Variants in HDAC9 observed in about 807,000 individuals in gnomAD.
HDAC9 encodes the protein MEF-2 interacting transcription repressor (MITR) protein.
Under a neutral mutation model 139.4 loss-of-function variants are expected in HDAC9, and 41 were observed. The observed-to-expected ratio is 0.29, with a 90% CI of 0.23 to 0.38. The LOEUF is 0.38. Among genes scored for constraint, HDAC9 ranks in the 10% least tolerant of loss-of-function variants. HDAC9 has a pLI of 1.00. For synonymous variants in HDAC9, 517 were observed against 476.2 expected, an observed-to-expected ratio of 1.09 and a Z score of -1.12; for missense variants, 1,147 against 1,297.0, an observed-to-expected ratio of 0.88 and a Z score of 1.78.
intron 22 of HDAC9, among the ~76,000 whole-genome samples, chr7:18,911,372 A>C (rs1802726441): frequency 6.6e-6 from 1 of 151,540 alleles, no homozygotes; most frequent in Non-Finnish European, 1.5e-5. Flanking sequence ...TGTCAGTTGT[A>C]ATGTCTTCTT....
chr7:18,991,802 A>G (rs1337444468), intron 25 of HDAC9, among the ~76,000 whole-genome samples: 1 of 152,252 alleles, frequency 6.6e-6, no homozygotes, highest in African/African-American at 2.4e-5. Context: ...TGCAAATTTG[A>G]ATAACAAGAA....
intron 6 of HDAC9, among the ~76,000 whole-genome samples, chr7:18,614,161 T>C (rs1318535662): frequency 6.6e-6 from 1 of 152,140 alleles, no homozygotes; most frequent in Non-Finnish European, 1.5e-5. Context: ...TCATTTTTTT[T>C]CCTCTAAGTT....
chr7:18,539,057 T>C (rs1811853271), intron 2 of HDAC9, among the ~76,000 whole-genome samples: 1 of 152,098 alleles, frequency 6.6e-6, no homozygotes, highest in Admixed American at 6.5e-5. Flanking sequence ...CTCATCTTAA[T>C]TACCTCCCAA....
intron 6 of HDAC9, among the ~76,000 whole-genome samples, chr7:18,628,071 C>T (rs181987604): frequency 2.0e-5 from 3 of 152,080 alleles, no homozygotes; most frequent in South Asian, 2.1e-4. Context: ...TATAAATTCC[C>T]TCAAAAATAT....
chr7:18,658,871 A>G (rs1457977519), intron 11 of HDAC9, among the ~76,000 whole-genome samples: 2 of 148,920 alleles, frequency 1.3e-5, no homozygotes, highest in Non-Finnish European at 3.0e-5. Context: ...AAGGAAGAAT[A>G]TTACATTTAT....
At chr7:18,156,945 G>A (rs1787250721) in intron 1 of HDAC9, among the ~76,000 whole-genome samples, 1 of 152,160 alleles carries the variant, frequency 6.6e-6, no homozygotes, top group Admixed American at 6.5e-5. Flanking sequence ...AATGTTAGGT[G>A]GGCGTGGTGG....
At chr7:18,852,015 G>A (rs911754772) in intron 21 of HDAC9, among the ~76,000 whole-genome samples, 42 of 152,216 alleles carry the variant, frequency 2.8e-4, no homozygotes, top group African/African-American at 8.2e-4. Context: ...TGTCTTTAGA[G>A]ACAGTCCTTC....
At chr7:18,540,058 G>C (rs1259815860) in intron 2 of HDAC9, among the ~76,000 whole-genome samples, 1 of 136,962 alleles carries the variant, frequency 7.3e-6, no homozygotes, top group Non-Finnish European at 1.5e-5. Flanking sequence ...AGGAGTTCGA[G>C]ACCAGCCTGG....
chr7:18,701,514 T>A lies in HDAC9; in HGVS notation c.1732-26066T>A, dbSNP rs182262398. Reference sequence around the variant, plus strand: ...ACATGTATTTTCAGATAAAGGCAATTTCCTAAAGATGAGTTATTTTTTGTT... The same window carrying A: ...ACATGTATTTTCAGATAAAGGCAATATCCTAAAGATGAGTTATTTTTTGTT... On this transcript the variant is annotated intron_variant, in intron 12 of 25. Coordinates refer to ENST00000686413, the MANE Select transcript of HDAC9 (RefSeq NM_178425.4). Among the ~76,000 whole-genome samples the A allele has an allele frequency of 2.0e-3, 302 of 152,250 alleles. 4 individuals carry two copies. Among genetic ancestry groups the A allele is most frequent in the Non-Finnish European group, 1.7e-3 (117 of 68,008 alleles).
At chr7:18,496,402 C>A in intron 2 of HDAC9, 78 bp downstream of exon 2, 2 of 1,282,724 alleles carry the variant, frequency 1.6e-6, no homozygotes, top group South Asian at 1.2e-5. Context: ...AGAAAAGCAC[C>A]TCTCTTAAGG....
chr7:18,780,024 G>A (rs974263818), intron 16 of HDAC9, among the ~76,000 whole-genome samples: 6 of 152,020 alleles, frequency 3.9e-5, no homozygotes, highest in Non-Finnish European at 5.9e-5. Flanking sequence ...TGCTCCAAAA[G>A]CGCTTTTTCA....
chr7:18,495,158 A>G (rs917281334), upstream of HDAC9, among the ~76,000 whole-genome samples: 5 of 152,048 alleles, frequency 3.3e-5, no homozygotes, highest in African/African-American at 7.2e-5. Context: ...TTAGTCCTGA[A>G]ACTAGAAGGC....
intron 11 of HDAC9, among the ~76,000 whole-genome samples, chr7:18,650,276 T>A (rs1788832361): frequency 6.6e-6 from 1 of 152,152 alleles, no homozygotes; most frequent in African/African-American, 2.4e-5. Flanking sequence ...TTTTGCCATA[T>A]AGTGTTTTGA....
At chr7:18,422,659 A>C (rs1360223174) in intron 1 of HDAC9, among the ~76,000 whole-genome samples, 2 of 151,858 alleles carry the variant, frequency 1.3e-5, no homozygotes, top group East Asian at 3.9e-4. Context: ...GAAAGGAAGG[A>C]ATCACTGTGG....
At chr7:18,569,249 A>G (rs902874878) in intron 2 of HDAC9, among the ~76,000 whole-genome samples, 36 of 152,294 alleles carry the variant, frequency 2.4e-4, no homozygotes, top group Admixed American at 7.8e-4. Context: ...CTGTGTTCCA[A>G]TTAATTTTAT....
At chr7:18,824,737 C>A (rs2129202228) in intron 17 of HDAC9, among the ~76,000 whole-genome samples, 1 of 152,342 alleles carries the variant, frequency 6.6e-6, no homozygotes, top group African/African-American at 2.4e-5. Context: ...CAGCCATCTT[C>A]TCTCTGCCAC....
chr7:18,310,548 C>T (rs1229415215), intron 1 of HDAC9, among the ~76,000 whole-genome samples: 1 of 152,084 alleles, frequency 6.6e-6, no homozygotes, highest in Non-Finnish European at 1.5e-5. Flanking sequence ...AGAGGCATAA[C>T]AAAAAATTAT....
chr7:18,699,452 T>C lies in HDAC9; in HGVS notation c.1732-28128T>C, dbSNP rs1458125636. ...AATACTAGCAAAACCTGTGAGGCAA[T>C]TTAATATGTTTCCAATCAGAATTCC... On this transcript the variant is annotated intron_variant, in intron 12 of 25. Coordinates refer to ENST00000686413, the MANE Select transcript of HDAC9 (RefSeq NM_178425.4). Among the ~76,000 whole-genome samples the C allele has an allele frequency of 2.6e-5, 4 of 152,064 alleles. No homozygotes were observed. In the East Asian group the frequency reaches 7.7e-4, roughly 29 times the overall value.
intron 1 of HDAC9, among the ~76,000 whole-genome samples, chr7:18,412,564 G>C (rs139818581): frequency 1.0e-3 from 157 of 152,302 alleles, no homozygotes; most frequent in African/African-American, 3.7e-3. Context: ...TCATACTCCT[G>C]TTAGATGAGG....
Sources: gnomAD v4.1 joint callset for allele counts (sites outside exome capture counted in the v4.1 genomes callset) on GRCh38, gnomAD v4.1.1 for gene constraint, MANE v1.5 for transcripts, NCBI Gene and HGNC (gene_info 2026-07-23, HGNC 2026-07-21) for gene names.